The following CDKL5 variants were observed in gnomAD, a reference collection of about 807,000 sequenced individuals.
The protein encoded by CDKL5 is cyclin dependent kinase like 5.
A neutral mutation model predicts 61.7 loss-of-function variants in CDKL5; 8 were observed. The ratio of observed to expected loss-of-function variants is 0.13; its 90% CI spans 0.08 to 0.23. CDKL5 has a LOEUF of 0.23. Among genes scored for constraint, CDKL5 ranks in the 10% least tolerant of loss-of-function variants. The probability of loss-of-function intolerance (pLI) is 1.00; values close to 1 mark genes in which losing one functional copy is unlikely to be tolerated. For missense variants in CDKL5, 440 were observed against 734.5 expected (o/e 0.60, Z 4.63); for synonymous variants, 275 against 272.3 (o/e 1.01, Z -0.10).
intron 2 of CDKL5, among the ~76,000 whole-genome samples, chrX:18,508,507 GA>G (rs1439985457): frequency 9.0e-6 from 1 of 111,242 alleles, no homozygotes; most frequent in African/African-American, 3.3e-5. Flanking sequence ...AAAAGTATTA[GA>G]ATTAGAGACC....
rs1387312679 is a variant in CDKL5, at chrX:18,604,921, C to T, written c.1944+53C>T. 23 of 1,177,111 alleles carry T rather than the reference C, an allele frequency of 2.0e-5. 1 individual carries two copies. Among genetic ancestry groups the T allele is most frequent in the African/African-American group, 1.1e-4 (6 of 56,051 alleles). ...GGTGGCCCTTCAGGGGAAGGTGGTA[C>T]GAGGGATGTGATGAGGGTCCATCTA... is the stretch of plus-strand genomic sequence containing the variant. On this transcript the variant is annotated intron_variant, in intron 12 of 17. Coordinates refer to ENST00000623535, the MANE Select transcript of CDKL5 (RefSeq NM_001323289.2).
intron 1 of CDKL5, among the ~76,000 whole-genome samples, chrX:18,465,537 C>T (rs1404121749): frequency 2.3e-4 from 25 of 110,681 alleles, no homozygotes; most frequent in Non-Finnish European, 4.3e-4. Context: ...GATATGGTGG[C>T]GGGTGCCTGT....
chrX:18,616,912 G>T (rs1437356181), intron 15 of CDKL5, among the ~76,000 whole-genome samples: 2 of 110,964 alleles, frequency 1.8e-5, no homozygotes, highest in Non-Finnish European at 3.8e-5. Context: ...CTCTCAGAGG[G>T]ATTATACTGA....
At chrX:18,507,552 TTTCATTCATTCA>T (rs201508159) in intron 2 of CDKL5, among the ~76,000 whole-genome samples, 51 of 102,712 alleles carry the variant, frequency 5.0e-4, no homozygotes, top group African/African-American at 1.1e-3. Context: ...ATAACTTAAA[TTTCATTCATTCA>T]TTCATTCATT....
intron 11 of CDKL5, among the ~76,000 whole-genome samples, chrX:18,599,277 T>C (rs988867250): frequency 2.7e-5 from 3 of 111,951 alleles, no homozygotes; most frequent in African/African-American, 9.8e-5. Flanking sequence ...CTGACATTCC[T>C]CAATTCTGTT....
At position 18,448,772 on chromosome X, in the gene CDKL5, A is replaced by G. The variant is rs188964235; in HGVS notation, c.-163+23077A>G. Among the ~76,000 whole-genome samples, 346 of 112,284 alleles carry G rather than the reference A, an allele frequency of 3.1e-3. 1 individual carries two copies. Among genetic ancestry groups the G allele is most frequent in the Admixed American group, 0.03 (321 of 10,599 alleles). On this transcript the variant is annotated intron_variant, in intron 1 of 17. Coordinates refer to ENST00000623535, the MANE Select transcript of CDKL5 (RefSeq NM_001323289.2). ...TCAGTTGTTTCTTTCCTCAGTCCCT[A>G]CTTCCTCTATTTTATTACCTTTCAG...
At position 18,454,872 on chromosome X, in the gene CDKL5, A is replaced by G. The variant is rs781692479; in HGVS notation, c.-163+29177A>G. 6.6e-5 allele frequency among the ~76,000 whole-genome samples: 7 copies of G among 105,998 alleles called. No homozygotes were observed. In the South Asian group the frequency reaches 2.6e-3, roughly 39 times the overall value. The allele number at this position is 105,998 out of a possible 115,157, so 92.0% of individuals were successfully genotyped here. On this transcript the variant is annotated intron_variant, in intron 1 of 17. Transcript: ENST00000623535. Reference sequence around the variant, plus strand: ...AATGATATAATATCATTGCATCACTATAATAGTTCTCAAGTGTATTTTTTT... The same window carrying G: ...AATGATATAATATCATTGCATCACTGTAATAGTTCTCAAGTGTATTTTTTT...
At chrX:18,490,906 A>G (rs1322003599) in intron 1 of CDKL5, among the ~76,000 whole-genome samples, 2 of 112,308 alleles carry the variant, frequency 1.8e-5, no homozygotes, top group Admixed American at 1.9e-4. Context: ...AAATAAAAAT[A>G]ACTTCCAATA....
At chrX:18,622,445 C>A (rs996708197) in intron 16 of CDKL5, among the ~76,000 whole-genome samples, 1 of 112,039 alleles carries the variant, frequency 8.9e-6, no homozygotes, top group Non-Finnish European at 1.9e-5. Context: ...ACCTCAGAGT[C>A]CTACGCCTGA....
At chrX:18,625,098 T>C (rs762412455) in intron 16 of CDKL5, 30 bp from the exon 17 acceptor site, 14 of 1,196,785 alleles carry the variant, frequency 1.2e-5, no homozygotes, top group Admixed American at 1.1e-4. Context: ...TCAGTGTGCT[T>C]ATTGAATGCT....
intron 21 of CDKL5, chrX:18,653,303 A>G: frequency 8.8e-7 from 1 of 1,131,029 alleles, no homozygotes; most frequent in South Asian, 2.0e-5. Context: ...AATAGCATTA[A>G]AGTGAAGATT....
chrX:18,426,765 TTGTC>T (rs1324773857), intron 1 of CDKL5: 14 of 112,569 alleles, frequency 1.2e-4, no homozygotes, highest in Middle Eastern at 4.6e-3. Context: ...ACAAATTAAT[TTGTC>T]TGAGAGCGTT....
chrX:18,528,978 C>A (rs1277649835), intron 3 of CDKL5, among the ~76,000 whole-genome samples: 1 of 110,814 alleles, frequency 9.0e-6, no homozygotes, highest in Non-Finnish European at 1.9e-5. Context: ...CTGATAATTT[C>A]TTTTAACTGG....
chrX:18,465,869 C>T (rs1365766047), intron 1 of CDKL5, among the ~76,000 whole-genome samples: 1 of 111,557 alleles, frequency 9.0e-6, no homozygotes, highest in Non-Finnish European at 1.9e-5. Flanking sequence ...TGTTTAATAG[C>T]TTTCTACATA....
chrX:18,460,021 C>T (rs151099845), intron 1 of CDKL5, among the ~76,000 whole-genome samples: 4,883 of 110,110 alleles, frequency 0.044, 299 homozygotes, highest in African/African-American at 0.15. Context: ...TACAGGTGTG[C>T]GCCACCATGC....
intron 1 of CDKL5, among the ~76,000 whole-genome samples, chrX:18,460,025 A>G (rs1739416775): frequency 9.1e-6 from 1 of 110,320 alleles, no homozygotes; most frequent in African/African-American, 3.3e-5. Flanking sequence ...GGTGTGCGCC[A>G]CCATGCCTGG....
intron 2 of CDKL5, among the ~76,000 whole-genome samples, chrX:18,508,461 T>G (rs1165977563): frequency 8.9e-6 from 1 of 112,026 alleles, no homozygotes; most frequent in East Asian, 2.8e-4. Context: ...AGTGTCTTGC[T>G]TACCATCTGT....
At chrX:18,531,037 A>G (rs1923626433) in intron 3 of CDKL5, among the ~76,000 whole-genome samples, 1 of 111,832 alleles carries the variant, frequency 8.9e-6, no homozygotes. Flanking sequence ...AAGGGAAGAA[A>G]GTGTTCTATA....
chrX:18,596,993 G>A (rs751144950), intron 10 of CDKL5, among the ~76,000 whole-genome samples: 4 of 111,021 alleles, frequency 3.6e-5, no homozygotes, highest in Non-Finnish European at 7.5e-5. Flanking sequence ...CAGAAGGTGC[G>A]CAAATTGTAT....
Sources: allele counts gnomAD v4.1 joint callset (sites outside exome capture counted in the v4.1 genomes callset), GRCh38; gene constraint gnomAD v4.1.1; transcripts MANE v1.5; gene names NCBI Gene and HGNC (gene_info 2026-07-23, HGNC 2026-07-21).